The following RIN2 variants were observed in gnomAD, a reference collection of about 807,000 sequenced individuals.
RIN2 encodes Ras and Rab interactor 2, also known as RAB5 interacting protein 2.
RIN2 carries 36 observed loss-of-function variants against 78.0 expected under a neutral mutation model. The ratio of observed to expected loss-of-function variants is 0.46; its 90% CI spans 0.35 to 0.61. RIN2 has a LOEUF of 0.61. Among genes scored for constraint, RIN2 ranks in the 20% least tolerant of loss-of-function variants. The probability of loss-of-function intolerance (pLI) is 0.00; values close to 1 mark genes in which losing one functional copy is unlikely to be tolerated. For synonymous variants in RIN2, 466 were observed against 466.8 expected (o/e 1.00, Z 0.02); for missense variants, 1,087 against 1,159.7 (o/e 0.94, Z 0.91).
intron 2 of RIN2, among the ~76,000 whole-genome samples, chr20:19,888,922 C>G (rs552588784): frequency 2.6e-5 from 4 of 152,242 alleles, no homozygotes; most frequent in Admixed American, 6.5e-5. Context: ...TGTGTTGTTA[C>G]CCTGCCTCTG....
intron 3 of RIN2, among the ~76,000 whole-genome samples, chr20:19,912,475 CTTTTT>C (rs545323465): frequency 9.0e-6 from 1 of 110,932 alleles, no homozygotes; most frequent in Admixed American, 1.0e-4. Context: ...TTTTCTTTTT[CTTTTT>C]TTTTTTTTTT....
intron 2 of RIN2, among the ~76,000 whole-genome samples, chr20:19,857,467 CACAT>C (rs1433605707): frequency 5.9e-5 from 9 of 152,088 alleles, no homozygotes; most frequent in South Asian, 2.1e-4. Context: ...TTTTTGTAGA[CACAT>C]ACATCCATTT....
chr20:19,823,775 T>C, intron 2 of RIN2: 2 of 1,597,964 alleles, frequency 1.3e-6, no homozygotes, highest in East Asian at 4.5e-5. Flanking sequence ...ACTGTAATCC[T>C]CAGGCCCTTC....
intron 1 of RIN2, among the ~76,000 whole-genome samples, chr20:19,771,418 T>C (rs1183119961): frequency 1.3e-5 from 2 of 152,206 alleles, no homozygotes; most frequent in Non-Finnish European, 2.9e-5. Flanking sequence ...CTCCTTTGCG[T>C]ATTCCTCATT....
At chr20:19,852,698 A>G (rs2037021486) in intron 2 of RIN2, among the ~76,000 whole-genome samples, 1 of 152,086 alleles carries the variant, frequency 6.6e-6, no homozygotes, top group Non-Finnish European at 1.5e-5. Flanking sequence ...ATCATTCTTA[A>G]TCTACATTAG....
intron 2 of RIN2, among the ~76,000 whole-genome samples, chr20:19,841,731 G>C (rs1184147290): frequency 6.6e-6 from 1 of 152,198 alleles, no homozygotes; most frequent in East Asian, 1.9e-4. Context: ...CTCTGTGCAG[G>C]TCCTGCTGGG....
intron 8 of RIN2, among the ~76,000 whole-genome samples, chr20:19,971,532 A>C (rs2042107511): frequency 6.6e-6 from 1 of 152,116 alleles, no homozygotes; most frequent in Non-Finnish European, 1.5e-5. Context: ...TGTTCCTCCT[A>C]GATCAAAAGA....
chr20:19,785,417 A>T (rs2034644744), intron 1 of RIN2, among the ~76,000 whole-genome samples: 1 of 152,128 alleles, frequency 6.6e-6, no homozygotes, highest in African/African-American at 2.4e-5. Flanking sequence ...AATGGGCAAA[A>T]CCCAGGATGA....
chr20:19,945,665 C>G (rs1382650490), intron 4 of RIN2, among the ~76,000 whole-genome samples: 2 of 152,040 alleles, frequency 1.3e-5, no homozygotes, highest in African/African-American at 4.8e-5. Context: ...ACTGACTTTT[C>G]TTTTTATCTT....
At position 19,898,147 on chromosome 20, in the gene RIN2, A is replaced by G. The variant is rs148235630; in HGVS notation, c.57+8489A>G. Among the ~76,000 whole-genome samples, 271 of 152,268 alleles carry G rather than the reference A, an allele frequency of 1.8e-3. 1 individual carries two copies. The highest frequency in any genetic ancestry group is 7.5e-3 in the East Asian group (39 of 5,190). On this transcript the variant is annotated intron_variant, in intron 3 of 12. Transcript: ENST00000255006. ...CTATCGAACAGAAATTCCTTTTCAT[A>G]TTTTCAAAAAGCAATGGATCTCATG... is the stretch of plus-strand genomic sequence containing the variant.
intron 9 of RIN2, among the ~76,000 whole-genome samples, chr20:19,980,205 G>A: frequency 6.6e-6 from 1 of 152,126 alleles, no homozygotes; most frequent in Non-Finnish European, 1.5e-5. Context: ...ACAAGAGGCA[G>A]AGAAAAAGAA....
intron 9 of RIN2, among the ~76,000 whole-genome samples, chr20:19,980,705 T>C (rs745901697): frequency 2.6e-5 from 4 of 152,094 alleles, no homozygotes; most frequent in Admixed American, 6.5e-5. Flanking sequence ...GGCACACCTA[T>C]GTTTTTCCAC....
chr20:19,973,683 G>A (rs2042177448), intron 8 of RIN2, among the ~76,000 whole-genome samples: 1 of 152,166 alleles, frequency 6.6e-6, no homozygotes, highest in African/African-American at 2.4e-5. Context: ...CAGCTACTCG[G>A]GAGGCTGAGG....
At chr20:19,919,901 A>G (rs2039841036) in intron 3 of RIN2, among the ~76,000 whole-genome samples, 1 of 152,236 alleles carries the variant, frequency 6.6e-6, no homozygotes, top group Admixed American at 6.5e-5. Context: ...CTATAAACAC[A>G]TCTTAAAAAT....
At chr20:19,985,998 A>G (rs1174036257) in intron 9 of RIN2, among the ~76,000 whole-genome samples, 3 of 152,228 alleles carry the variant, frequency 2.0e-5, no homozygotes, top group Non-Finnish European at 2.9e-5. Context: ...CAGTGCAGGT[A>G]AAGTGGCTAG....
intron 1 of RIN2, among the ~76,000 whole-genome samples, chr20:19,763,220 A>G (rs2033719044): frequency 6.6e-6 from 1 of 152,076 alleles, no homozygotes; most frequent in South Asian, 2.1e-4. Flanking sequence ...CCCTGTCTCT[A>G]CTAAAAATAC....
chr20:19,779,797 C>T (rs2034436276), intron 1 of RIN2, among the ~76,000 whole-genome samples: 1 of 152,130 alleles, frequency 6.6e-6, no homozygotes, highest in Non-Finnish European at 1.5e-5. Context: ...GCTTACAGAG[C>T]TCGAGTTAGT....
intron 2 of RIN2, among the ~76,000 whole-genome samples, chr20:19,860,908 A>G (rs2037314387): frequency 6.6e-6 from 1 of 152,262 alleles, no homozygotes; most frequent in Non-Finnish European, 1.5e-5. Context: ...GAGGTGGCAC[A>G]GCACATAACC....
intron 3 of RIN2, among the ~76,000 whole-genome samples, chr20:19,900,465 A>G (rs548814023): frequency 3.3e-5 from 5 of 151,832 alleles, no homozygotes; most frequent in South Asian, 4.2e-4. Flanking sequence ...CCTGGGCAAC[A>G]GAGTCTCAAA....
Sources: gnomAD v4.1 joint callset for allele counts (sites outside exome capture counted in the v4.1 genomes callset) on GRCh38, gnomAD v4.1.1 for gene constraint, MANE v1.5 for transcripts, NCBI Gene and HGNC (gene_info 2026-07-23, HGNC 2026-07-21) for gene names.